SNORC: variants seen among roughly 807,000 people sequenced by gnomAD.
SNORC encodes secondary ossification center associated regulator of chondrocyte maturation, also known as protein SNORC.
SNORC carries 11 observed loss-of-function variants against 9.7 expected under a neutral mutation model. The observed-to-expected ratio is 1.14, with a 90% CI of 0.72 to 1.88. The LOEUF (loss-of-function observed/expected upper bound fraction) is 1.88, where lower values mean the gene tolerates loss of function less well. SNORC is among the 40% of genes most tolerant of loss of function. The pLI, the probability that SNORC is intolerant of heterozygous loss-of-function variation, is 0.00. For missense variants in SNORC, 197 were observed against 173.1 expected (o/e 1.14, Z -0.77); for synonymous variants, 108 against 88.7 (o/e 1.22, Z -1.22).
downstream of SNORC, chr2:232,878,079 A>T (rs1397394293): frequency 6.6e-6 from 1 of 152,276 alleles, no homozygotes; most frequent in Non-Finnish European, 1.5e-5. Context: ...AACCAGTGTC[A>T]CATGCCTGTG....
upstream of SNORC, among the ~76,000 whole-genome samples, chr2:232,868,100 G>A (rs1055743670): frequency 1.1e-4 from 16 of 151,460 alleles, no homozygotes; most frequent in Non-Finnish European, 2.2e-4. Context: ...TAGTAGACTG[G>A]CTGGCTGTTT....
At chr2:232,873,737 G>A (rs897404552) in intron 1 of SNORC, among the ~76,000 whole-genome samples, 21 of 152,206 alleles carry the variant, frequency 1.4e-4, no homozygotes, top group Non-Finnish European at 2.1e-4. Context: ...GAGGCAGCAC[G>A]CCAGGGGCCT....
At chr2:232,875,842 C>A (rs994843068) in intron 1 of SNORC, 98 bp from the exon 2 acceptor site, 36 of 1,299,308 alleles carry the variant, frequency 2.8e-5, no homozygotes, top group Non-Finnish European at 3.7e-5. Context: ...AGACCCCTCA[C>A]ACAGCGCTAC....
chr2:232,870,156 TTG>T (rs1281026912), upstream of SNORC: 841 of 610,524 alleles, frequency 1.4e-3, no homozygotes, highest in Admixed American at 2.0e-3. Flanking sequence ...CTGTGAGCTC[TTG>T]TGTGTGTGTG....
intron 1 of SNORC, among the ~76,000 whole-genome samples, chr2:232,871,406 CCT>C (rs1207756094): frequency 6.6e-6 from 1 of 152,200 alleles, no homozygotes; most frequent in East Asian, 1.9e-4. Context: ...GGTTTCTTAA[CCT>C]CTCTGTGCCT....
chr2:232,875,959 C>T (rs1378406866), exon 2 of SNORC: 4 of 1,553,682 alleles, frequency 2.6e-6, no homozygotes, highest in South Asian at 2.4e-5. Context: ...CACAGGAGCC[C>T]GTGCCCACGC....
chr2:232,870,916 C>T lies in SNORC; in HGVS notation c.73+502C>T, dbSNP rs183146462. 2.0e-5 allele frequency among the ~76,000 whole-genome samples: 3 copies of T among 152,298 alleles called. No individual in the cohort carries two copies. In the East Asian group the frequency reaches 5.8e-4, roughly 29 times the overall value. On this transcript the variant is annotated intron_variant, in intron 1 of 2. Transcript: ENST00000331342. ...CCAGAGAGGGAGAGAATACAAGGCC[C>T]AAGATCCCTCTGCAAAACGGTGTGG...
intron 1 of SNORC, chr2:232,875,720 T>TG: frequency 1.7e-6 from 1 of 581,940 alleles, no homozygotes; most frequent in East Asian, 3.1e-5. Context: ...TCCCTTACAC[T>TG]GAACAGACAC....
chr2:232,876,856 C>A (rs1205588376), downstream of SNORC: 2 of 985,586 alleles, frequency 2.0e-6, no homozygotes, highest in Non-Finnish European at 2.4e-6. This position sits in a 1 kb window ranked among gnomAD's most constrained non-coding sequence, Gnocchi z 6.8. Flanking sequence ...GGGCCGAGGC[C>A]CTCGCCGCGC....
At chr2:232,872,788 G>A (rs1691078391) in intron 1 of SNORC, among the ~76,000 whole-genome samples, 1 of 152,212 alleles carries the variant, frequency 6.6e-6, no homozygotes, top group Non-Finnish European at 1.5e-5. Context: ...ATGGATTTGG[G>A]GGAAGATGGG....
upstream of SNORC, chr2:232,870,173 TGGGGGGAGC>T (rs1419578597): frequency 1.4e-5 from 7 of 493,568 alleles, no homozygotes; most frequent in African/African-American, 6.2e-5. Flanking sequence ...TGTGTGTTGG[TGGGGGGAGC>T]GGGGGGGTGG....
upstream of SNORC, chr2:232,869,486 T>G (rs752025550): frequency 6.6e-6 from 1 of 152,126 alleles, no homozygotes; most frequent in Non-Finnish European, 1.5e-5. Flanking sequence ...GGCTAGAACA[T>G]CTGGGAGCGG....
At chr2:232,874,223 T>G (rs1448728424) in intron 1 of SNORC, among the ~76,000 whole-genome samples, 1 of 152,242 alleles carries the variant, frequency 6.6e-6, no homozygotes, top group African/African-American at 2.4e-5. Flanking sequence ...TTTGCTACAT[T>G]GCTGAATCCT....
At chr2:232,875,786 A>T in intron 1 of SNORC, 154 bp from the exon 2 acceptor site, 1 of 827,490 alleles carries the variant, frequency 1.2e-6, no homozygotes, top group Non-Finnish European at 1.8e-6. Flanking sequence ...CACTGGCTTC[A>T]GCTTCTTAGC....
chr2:232,869,354 C>G (rs75905710), upstream of SNORC, among the ~76,000 whole-genome samples: 1 of 152,026 alleles, frequency 6.6e-6, no homozygotes, highest in Admixed American at 6.6e-5. Context: ...TGAGCAGGGC[C>G]GAGGCAAGCC....
upstream of SNORC, chr2:232,870,217 G>A (rs1475775031): frequency 2.4e-6 from 2 of 849,228 alleles, no homozygotes; most frequent in Non-Finnish European, 3.8e-6. Context: ...GATGTCCCAG[G>A]AGGACAGAGT....
chr2:232,876,030 G>A lies in SNORC; in HGVS notation c.164G>A (p.Gly55Asp). 1 of 1,545,728 alleles carries A rather than the reference G, an allele frequency of 6.5e-7. No homozygotes were observed. Among genetic ancestry groups the A allele is most frequent in the Non-Finnish European group, 8.7e-7 (1 of 1,149,048 alleles). The change falls in exon 2 of 3, where the codon GGC (glycine) becomes GAC (aspartate). Residue 55 changes from glycine to aspartate, a missense_variant. By Grantham distance (94) the Gly-to-Asp change is moderately conservative (BLOSUM62 -1). Transcript: ENST00000331342. This position sits in a 1 kb window ranked among gnomAD's most constrained non-coding sequence, Gnocchi z 6.8. The stretch of plus-strand genomic sequence containing the variant: ...GGCCCCGTGGAGAGCACCAGCCCCG[G>A]CCGGGAGCCCGTGGACACCGGTCCC...
At chr2:232,876,840 G>A (rs1411367612), downstream of SNORC, 1 of 985,636 alleles carries the variant, frequency 1.0e-6, no homozygotes, top group Non-Finnish European at 1.2e-6. The surrounding 1 kb of genome is among the most constrained non-coding windows in gnomAD (Gnocchi z 6.8). Flanking sequence ...TCCTCTGCCT[G>A]GGCGCGGGCC....
intron 1 of SNORC, among the ~76,000 whole-genome samples, chr2:232,871,484 C>T (rs1167991238): frequency 1.3e-5 from 2 of 152,174 alleles, no homozygotes; most frequent in African/African-American, 4.8e-5. Context: ...TGTGAGGCCT[C>T]GTGAGTTCAG....
Sources: allele counts gnomAD v4.1 joint callset (sites outside exome capture counted in the v4.1 genomes callset), GRCh38; gene constraint gnomAD v4.1.1; non-coding constraint Gnocchi (gnomAD v3.1); transcripts MANE v1.5; gene names NCBI Gene and HGNC (gene_info 2026-07-23, HGNC 2026-07-21).